The following RNF220 variants were observed in gnomAD, a reference collection of about 807,000 sequenced individuals.
RNF220 encodes ring finger protein 220.
Under a neutral mutation model 67.1 loss-of-function variants are expected in RNF220, and 7 were observed. The observed-to-expected ratio is 0.10, with a 90% confidence interval of 0.06 to 0.20. The LOEUF is 0.20. RNF220 is among the 10% of genes least tolerant of loss of function. The pLI is 1.00. For synonymous variants in RNF220, 270 were observed against 283.2 expected (o/e 0.95, Z 0.47); for missense variants, 565 against 740.3 (o/e 0.76, Z 2.75).
chr1:44,607,565 C>T (rs891682870), intron 2 of RNF220, among the ~76,000 whole-genome samples: 1 of 150,620 alleles, frequency 6.6e-6, no homozygotes, highest in Non-Finnish European at 1.5e-5. Flanking sequence ...CAGCTCACTG[C>T]AAGCTCCGCC....
chr1:44,536,674 C>T (rs1424010882), intron 2 of RNF220, among the ~76,000 whole-genome samples: 1 of 152,154 alleles, frequency 6.6e-6, no homozygotes, highest in African/African-American at 2.4e-5. Context: ...ATGGTCTGCC[C>T]CTCGAAAAGG....
At chr1:44,568,930 G>A (rs570844075) in intron 2 of RNF220, among the ~76,000 whole-genome samples, 1 of 152,322 alleles carries the variant, frequency 6.6e-6, no homozygotes, top group Admixed American at 6.5e-5. Flanking sequence ...GGGTCTGGGA[G>A]CTCAGCAAAG....
chr1:44,629,286 T>C (rs1282781062), intron 5 of RNF220, among the ~76,000 whole-genome samples: 4 of 152,236 alleles, frequency 2.6e-5, no homozygotes, highest in African/African-American at 7.2e-5. Context: ...AGCTAGCCCA[T>C]AATCGAGTGA....
intron 2 of RNF220, among the ~76,000 whole-genome samples, chr1:44,533,154 G>A (rs1660952763): frequency 6.6e-6 from 1 of 152,228 alleles, no homozygotes; most frequent in African/African-American, 2.4e-5. Flanking sequence ...GTAAACGAAA[G>A]TCTGCTGAAG....
intron 2 of RNF220, among the ~76,000 whole-genome samples, chr1:44,573,533 A>G (rs69141): frequency 0.51 from 78,311 of 152,076 alleles, 20,708 homozygotes; most frequent in African/African-American, 0.64. Flanking sequence ...AGGAGGATCA[A>G]GAGCAAGCCT....
In RNF220 at chr1:44,409,977, T is replaced by C. The variant is rs150839823; in HGVS notation, c.-117-2004T>C. Among the ~76,000 whole-genome samples the C allele has an allele frequency of 4.7e-4, 72 of 152,022 alleles. 1 individual carries two copies. The East Asian group carries it at 0.012, about 26-fold the overall frequency. On this transcript the variant is annotated intron_variant, in intron 1 of 14. Transcript: ENST00000361799. Reference sequence around the variant, plus strand: ...GTAAAAGAGATGTGGCCTGGAAAAATATTGTTGATTTATTTTCAGTGTAAT... The same window carrying C: ...GTAAAAGAGATGTGGCCTGGAAAAACATTGTTGATTTATTTTCAGTGTAAT...
At chr1:44,521,659 G>T (rs764349289) in intron 2 of RNF220, among the ~76,000 whole-genome samples, 2 of 152,114 alleles carry the variant, frequency 1.3e-5, no homozygotes, top group African/African-American at 4.8e-5. Context: ...CTCTGAAGAG[G>T]TCACATCTTC....
In RNF220 at chr1:44,554,980, A is replaced by G. The variant is rs117151572; in HGVS notation, c.626-59185A>G. ...CTGTTTCAAGAGTGATATTTCTAGCATGTAAATCCAGTCATGTCTTACCCC... is the reference window on the plus strand; with the variant it reads ...CTGTTTCAAGAGTGATATTTCTAGCGTGTAAATCCAGTCATGTCTTACCCC... On this transcript the variant is annotated intron_variant, in intron 2 of 14. Transcript: ENST00000361799. Among the ~76,000 whole-genome samples, 143 of 152,232 alleles carry G rather than the reference A, an allele frequency of 9.4e-4. 2 individuals carry two copies. In the East Asian group the frequency reaches 0.027, roughly 28 times the overall value.
intron 2 of RNF220, among the ~76,000 whole-genome samples, chr1:44,543,912 G>A (rs112116184): frequency 6.6e-6 from 1 of 152,298 alleles, no homozygotes; most frequent in African/African-American, 2.4e-5. Flanking sequence ...CTGGGCAGTG[G>A]CGAGTGGTGG....
At chr1:44,423,998 G>A (rs1051156728) in intron 2 of RNF220, 2 of 985,246 alleles carry the variant, frequency 2.0e-6, no homozygotes, top group Non-Finnish European at 1.2e-6. Flanking sequence ...TTCCTTCCCT[G>A]GCCTCTTATC....
intron 1 of RNF220, among the ~76,000 whole-genome samples, chr1:44,411,457 T>G (rs1647951774): frequency 6.6e-6 from 1 of 152,226 alleles, no homozygotes; most frequent in Non-Finnish European, 1.5e-5. Flanking sequence ...CTAACTAATA[T>G]GTACAAGTGT....
chr1:44,647,338 C>G (rs747867362), intron 12 of RNF220, among the ~76,000 whole-genome samples: 1 of 152,200 alleles, frequency 6.6e-6, no homozygotes, highest in Non-Finnish European at 1.5e-5. Context: ...AAATCCTTGT[C>G]TCCTTATCAG....
At chr1:44,562,001 A>T (rs1663608520) in intron 2 of RNF220, among the ~76,000 whole-genome samples, 1 of 152,150 alleles carries the variant, frequency 6.6e-6, no homozygotes, top group Admixed American at 6.5e-5. Flanking sequence ...AACTTAACTT[A>T]GCTAATTTAA....
intron 2 of RNF220, among the ~76,000 whole-genome samples, chr1:44,536,821 G>A (rs907219964): frequency 2.6e-5 from 4 of 152,120 alleles, no homozygotes; most frequent in Admixed American, 2.0e-4. Flanking sequence ...AGTATATAAC[G>A]TTTTATGGTT....
intron 2 of RNF220, among the ~76,000 whole-genome samples, chr1:44,452,403 A>ATC (rs1652779899): frequency 6.6e-6 from 1 of 151,896 alleles, no homozygotes; most frequent in South Asian, 2.1e-4. Context: ...AAAATACAAA[A>ATC]ATTAGCCGGG....
At chr1:44,487,672 A>AAATAATAATAATAAT (rs537638294) in intron 2 of RNF220, among the ~76,000 whole-genome samples, 2 of 142,580 alleles carry the variant, frequency 1.4e-5, no homozygotes, top group African/African-American at 2.5e-5. Context: ...ATCTCTACTA[A>AAATAATAATAATAAT]AATAATAATA....
intron 2 of RNF220, among the ~76,000 whole-genome samples, chr1:44,526,111 G>T (rs1157195865): frequency 6.6e-6 from 1 of 152,090 alleles, no homozygotes; most frequent in Non-Finnish European, 1.5e-5. Flanking sequence ...TGTCCCACCT[G>T]TTTGCCTACC....
chr1:44,519,248 AG>A (rs1196725983), intron 2 of RNF220, among the ~76,000 whole-genome samples: 9 of 152,242 alleles, frequency 5.9e-5, no homozygotes, highest in Non-Finnish European at 1.0e-4. Flanking sequence ...TTATTTATTT[AG>A]TCATTAATCA....
chr1:44,644,469 A>G (rs1231448065), intron 8 of RNF220: 2 of 521,446 alleles, frequency 3.8e-6, no homozygotes, highest in African/African-American at 1.9e-5. Flanking sequence ...TTATGAGCAG[A>G]GACCACTTGG....
Sources: gnomAD v4.1 joint callset for allele counts (sites outside exome capture counted in the v4.1 genomes callset) on GRCh38, gnomAD v4.1.1 for gene constraint, MANE v1.5 for transcripts, NCBI Gene and HGNC (gene_info 2026-07-23, HGNC 2026-07-21) for gene names.